ARSF: variants seen among roughly 807,000 people sequenced by gnomAD.
ARSF encodes the protein arylsulfatase F.
A neutral mutation model predicts 35.4 loss-of-function variants in ARSF; 33 were observed. The ratio of observed to expected loss-of-function variants is 0.93; its 90% CI spans 0.71 to 1.25. ARSF has a LOEUF of 1.25. ARSF is among the 50% of genes most tolerant of loss of function. The pLI is 0.00. For synonymous variants in ARSF, 222 were observed against 193.1 expected (o/e 1.15, Z -1.24); for missense variants, 501 against 480.2 (o/e 1.04, Z -0.40).
intron 1 of ARSF, among the ~76,000 whole-genome samples, chrX:3,042,221 CAT>C (rs1170663633): frequency 8.9e-6 from 1 of 111,745 alleles, no homozygotes; most frequent in African/African-American, 3.2e-5. Flanking sequence ...ACAGAAAATT[CAT>C]AGACTATAAA....
At chrX:3,052,992 A>G (rs188659970) in intron 1 of ARSF, among the ~76,000 whole-genome samples, 1 of 111,276 alleles carries the variant, frequency 9.0e-6, no homozygotes, top group Admixed American at 9.7e-5. Context: ...AGCAGATGCA[A>G]ATCAGGAGGA....
intron 1 of ARSF, among the ~76,000 whole-genome samples, chrX:3,054,344 T>C (rs1330321828): frequency 9.0e-6 from 1 of 111,727 alleles, no homozygotes; most frequent in African/African-American, 3.3e-5. Flanking sequence ...TCTCAGGGTG[T>C]CTCCTCACAG....
intron 1 of ARSF, among the ~76,000 whole-genome samples, chrX:3,050,463 T>C (rs2089992315): frequency 9.2e-6 from 1 of 108,613 alleles, no homozygotes; most frequent in Non-Finnish European, 1.9e-5. Flanking sequence ...GGAGAATCGC[T>C]TGAACCCAGG....
rs772718607 is a variant in ARSF, at chrX:3,080,957, A to G, written c.350A>G (p.Asn117Ser). Residue 117 changes from asparagine (N) to serine (S), a missense_variant, in exon 5 of 11, where the codon AAT (asparagine) becomes AGT (serine). Coordinates refer to ENST00000381127, the MANE Select transcript of ARSF (RefSeq NM_001201539.2). ...NLAVPAGLPL[N>S]ETTLAALLKK... ...GCAGTCCCCGCAGGCCTCCCTCTTA[A>G]TGAGACAACACTTGCAGCCTTGCTA... 1 of 1,211,475 alleles carries G rather than the reference A, an allele frequency of 8.3e-7. No individual in the cohort carries two copies. Among genetic ancestry groups the G allele is most frequent in the Admixed American group, 2.2e-5 (1 of 46,003 alleles).
At chrX:3,056,275 ATTTTTTT>A (rs773033087) in intron 1 of ARSF, among the ~76,000 whole-genome samples, 1 of 84,763 alleles carries the variant, frequency 1.2e-5, no homozygotes, top group African/African-American at 4.4e-5. Flanking sequence ...CATCATTCCT[ATTTTTTT>A]TTTTTTTTTT....
At position 3,084,439 on chromosome X, in the gene ARSF, C is replaced by T. The variant is rs752226174; in HGVS notation, c.603C>T (p.Leu201=). ...LCVQLVAIAI[L]TLTFGKLSGW... is the part of the protein sequence containing the mutation. ...TGCAGCTAGTTGCCATTGCCATCCT[C>T]ACCCTAACCTTTGGGAAGCTGAGCG... Residue 201 remains leucine, a synonymous_variant, in exon 6 of 11, where the codon CTC becomes CTT. Coordinates refer to ENST00000381127, the MANE Select transcript of ARSF (RefSeq NM_001201539.2). 1.7e-6 allele frequency: 2 copies of T among 1,211,778 alleles called. No homozygotes were observed. Among genetic ancestry groups the T allele is most frequent in the Admixed American group, 2.2e-5 (1 of 45,978 alleles).
At chrX:3,042,060 T>C (rs2089957777) in intron 1 of ARSF, among the ~76,000 whole-genome samples, 1 of 112,398 alleles carries the variant, frequency 8.9e-6, no homozygotes, top group South Asian at 3.6e-4. Context: ...TACAAAACTA[T>C]AAACCCAGCA....
At chrX:3,064,206 A>G (rs973739836) in intron 1 of ARSF, among the ~76,000 whole-genome samples, 15 of 112,107 alleles carry the variant, frequency 1.3e-4, no homozygotes, top group African/African-American at 4.9e-4. Context: ...AATGGGGAAA[A>G]GATTCCCTAT....
rs2090394715 is a variant in ARSF at position 3,103,758 on chromosome X, AT to A, written c.1103-3del. ...TAATTGAACTTAATTGCATTGTCTTATAGGTGGAAAAGGCATGGGGGGCTGG... is the reference window on the plus strand; with the variant it reads ...TAATTGAACTTAATTGCATTGTCTTAAGGTGGAAAAGGCATGGGGGGCTGG... On this transcript the variant is annotated splice_polypyrimidine_tract_variant and splice_region_variant and intron_variant, in intron 8 of 10. Coordinates refer to ENST00000381127, the MANE Select transcript of ARSF (RefSeq NM_001201539.2). 3.3e-6 allele frequency: 4 copies of A among 1,209,044 alleles called. No individual in the cohort carries two copies. The highest frequency in any genetic ancestry group is 4.5e-6 in the Non-Finnish European group (4 of 894,712).
At chrX:3,101,260 T>C in intron 8 of ARSF, 39 bp downstream of exon 8, 2 of 1,183,733 alleles carry the variant, frequency 1.7e-6, no homozygotes, top group Non-Finnish European at 1.1e-6. Flanking sequence ...TGGTGGTGAA[T>C]AAGCTTTTTT....
chrX:3,059,217 C>T (rs1488725104), intron 1 of ARSF, among the ~76,000 whole-genome samples: 1 of 111,564 alleles, frequency 9.0e-6, no homozygotes, highest in Non-Finnish European at 1.9e-5. Flanking sequence ...AATCCCAGCA[C>T]TTTGGGAGGC....
Position 3,107,006 on chromosome X carries a change from T to C in ARSF, c.1265+3082T>C, listed in dbSNP as rs187604790. ...TATTACCTACACACATCCTTTTGTA[T>C]ATATTAAATCATCTCTAGATTACTC... On this transcript the variant is annotated intron_variant, in intron 9 of 10. Coordinates refer to ENST00000381127, the MANE Select transcript of ARSF (RefSeq NM_001201539.2). Among the ~76,000 whole-genome samples the C allele has an allele frequency of 6.2e-3, 691 of 112,094 alleles. 3 individuals are homozygous for C. The highest frequency in any genetic ancestry group is 0.022 in the African/African-American group (668 of 30,890).
At chrX:3,085,806 G>A (rs1010796190) in intron 6 of ARSF, among the ~76,000 whole-genome samples, 4 of 110,964 alleles carry the variant, frequency 3.6e-5, no homozygotes, top group African/African-American at 1.3e-4. Flanking sequence ...GTAGTTTGGG[G>A]CTGGCAGCGG....
chrX:3,106,350 T>A (rs1357341124), intron 9 of ARSF, among the ~76,000 whole-genome samples: 1 of 112,256 alleles, frequency 8.9e-6, no homozygotes, highest in Non-Finnish European at 1.9e-5. Flanking sequence ...CTCCCAAGCC[T>A]CTTTATTTGA....
chrX:3,063,795 G>A (rs1318582973), intron 1 of ARSF, among the ~76,000 whole-genome samples: 5 of 111,651 alleles, frequency 4.5e-5, no homozygotes, highest in Non-Finnish European at 7.5e-5. Flanking sequence ...ACTGCTCAAC[G>A]AAATAAAATG....
At chrX:3,091,106 G>A (rs1188391148) in intron 7 of ARSF, among the ~76,000 whole-genome samples, 6 of 111,208 alleles carry the variant, frequency 5.4e-5, no homozygotes, top group African/African-American at 2.0e-4. Context: ...GTAGAGGCAA[G>A]GTTTTTCCAT....
intron 1 of ARSF, chrX:3,058,408 G>T: frequency 6.2e-6 from 1 of 162,306 alleles, no homozygotes; most frequent in Non-Finnish European, 1.2e-5. Flanking sequence ...ACGTAGTGCA[G>T]ATACTTGATC....
rs572460926 is a variant in ARSF at position 3,061,685 on chromosome X, G to A, written c.-28-6388G>A. Among the ~76,000 whole-genome samples the A allele has an allele frequency of 3.2e-4, 36 of 111,109 alleles. No individual in the cohort carries two copies. The South Asian group carries it at 0.013, about 41-fold the overall frequency. On this transcript the variant is annotated intron_variant, in intron 1 of 10. Coordinates refer to ENST00000381127, the MANE Select transcript of ARSF (RefSeq NM_001201539.2). ...TGATAAAACAGACTTTAAACCAACA[G>A]AGATCAAAAGAGAGAAAGAAGGCCG...
intron 2 of ARSF, among the ~76,000 whole-genome samples, chrX:3,069,721 AT>A (rs201996444): frequency 5.0e-5 from 5 of 100,775 alleles, no homozygotes; most frequent in Admixed American, 1.0e-4. Context: ...TTTTCTTTTT[AT>A]TTTTTTCCTT....
Sources: gnomAD v4.1 joint callset for allele counts (sites outside exome capture counted in the v4.1 genomes callset) on GRCh38, gnomAD v4.1.1 for gene constraint, MANE v1.5 for transcripts, NCBI Gene and HGNC (gene_info 2026-07-23, HGNC 2026-07-21) for gene names.